The following CADPS variants were observed in gnomAD, a reference collection of about 807,000 sequenced individuals.
CADPS encodes calcium-dependent secretion activator 1.
CADPS carries 57 observed loss-of-function variants against 167.3 expected under a neutral mutation model. The ratio of observed to expected loss-of-function variants is 0.34; its 90% CI spans 0.28 to 0.42. The LOEUF is 0.42. Ranked by LOEUF, CADPS falls within the 20% of genes least tolerant of loss-of-function variation. The pLI is 1.00. For synonymous variants in CADPS, 676 were observed against 635.3 expected (o/e 1.06, Z -0.96); for missense variants, 1,414 against 1,738.1 (o/e 0.81, Z 3.32).
Position 62,399,322 on chromosome 3 carries a change from A to C in CADPS, c.*84T>G. The C allele has an allele frequency of 7.4e-7, 1 of 1,343,920 alleles. No homozygotes were observed. The highest frequency in any genetic ancestry group is 1.0e-6 in the Non-Finnish European group (1 of 962,468). The allele number at this position is 1,343,920 out of a possible 1,614,324, so 83.2% of individuals were successfully genotyped here. ...TCTCATGGGCATGGTAGTTGACAGA[A>C]AATTCCTAATGGGTTTAACTAACAG... On this transcript the variant is annotated 3_prime_UTR_variant, in exon 30 of 30. Coordinates refer to ENST00000383710, the MANE Select transcript of CADPS (RefSeq NM_003716.4). The surrounding 1 kb of genome is among the most constrained non-coding windows in gnomAD (Gnocchi z 5.6).
chr3:62,725,509 C>G (rs1444333774), intron 3 of CADPS, among the ~76,000 whole-genome samples: 3 of 152,180 alleles, frequency 2.0e-5, no homozygotes, highest in Admixed American at 6.5e-5. Context: ...CGAATTAGCT[C>G]TGTGATTGTG....
At chr3:62,727,597 G>A (rs764851687) in intron 3 of CADPS, among the ~76,000 whole-genome samples, 10 of 151,868 alleles carry the variant, frequency 6.6e-5, no homozygotes, top group Non-Finnish European at 1.0e-4. Context: ...TTTTAAGGAG[G>A]CACCTGCGGA....
intron 28 of CADPS, among the ~76,000 whole-genome samples, chr3:62,428,202 G>T (rs981613795): frequency 1.3e-5 from 2 of 150,970 alleles, no homozygotes; most frequent in Non-Finnish European, 2.9e-5. Flanking sequence ...CTTCTGAACT[G>T]GGAATTTGGA....
intron 13 of CADPS, among the ~76,000 whole-genome samples, chr3:62,525,021 C>G (rs765757866): frequency 6.6e-6 from 1 of 152,082 alleles, no homozygotes; most frequent in African/African-American, 2.4e-5. Context: ...TTTTTGATAT[C>G]ACATCCACTC....
At chr3:62,809,852 G>A (rs1347172088) in intron 1 of CADPS, among the ~76,000 whole-genome samples, 1 of 152,074 alleles carries the variant, frequency 6.6e-6, no homozygotes, top group Non-Finnish European at 1.5e-5. Context: ...GACACTGTAG[G>A]TGTTTATTTA....
intron 6 of CADPS, among the ~76,000 whole-genome samples, chr3:62,610,773 C>T (rs11717017): frequency 0.12 from 17,815 of 152,022 alleles, 1,395 homozygotes; most frequent in Non-Finnish European, 0.17. Flanking sequence ...CTAGCCAGGC[C>T]TCCTCAGTCC....
intron 1 of CADPS, among the ~76,000 whole-genome samples, chr3:62,815,399 T>C (rs1431917204): frequency 5.9e-5 from 9 of 151,548 alleles, no homozygotes; most frequent in Non-Finnish European, 1.3e-4. Context: ...TAATCTATGG[T>C]CCGAGAAATC....
intron 11 of CADPS, among the ~76,000 whole-genome samples, chr3:62,542,707 C>T (rs2075887100): frequency 6.6e-6 from 1 of 152,128 alleles, no homozygotes; most frequent in Admixed American, 6.6e-5. Context: ...GCTCACATTG[C>T]ATCATGCAGA....
chr3:62,870,815 A>G (rs968001515), intron 1 of CADPS, among the ~76,000 whole-genome samples: 1 of 152,196 alleles, frequency 6.6e-6, no homozygotes, highest in Non-Finnish European at 1.5e-5. Flanking sequence ...CACTATAAGT[A>G]GCTAGTTCAC....
At chr3:62,578,938 G>A (rs2082859209) in intron 8 of CADPS, among the ~76,000 whole-genome samples, 1 of 152,162 alleles carries the variant, frequency 6.6e-6, no homozygotes, top group Non-Finnish European at 1.5e-5. Context: ...GTGTCTTGGA[G>A]ACCTATGAGG....
In CADPS at chr3:62,845,297, T is replaced by C. The variant is rs2077234558; in HGVS notation, c.441+29292A>G. Among the ~76,000 whole-genome samples the C allele has an allele frequency of 2.6e-5, 4 of 152,138 alleles. No homozygotes were observed. The South Asian group carries it at 8.3e-4, about 32-fold the overall frequency. On this transcript the variant is annotated intron_variant, in intron 1 of 29. Transcript: ENST00000383710. ...CCCAAGGCTCACATCATCACGATTTTCCCCAGATAGAAGTGTTAAGGTGTT... is the reference window on the plus strand; with the variant it reads ...CCCAAGGCTCACATCATCACGATTTCCCCCAGATAGAAGTGTTAAGGTGTT...
At chr3:62,821,313 G>C (rs1168372128) in intron 1 of CADPS, among the ~76,000 whole-genome samples, 2 of 147,772 alleles carry the variant, frequency 1.4e-5, no homozygotes, top group South Asian at 2.1e-4. Context: ...TCTCTGTGTT[G>C]GTTTTCTAGG....
At chr3:62,529,210 A>T (rs2073070305) in intron 13 of CADPS, among the ~76,000 whole-genome samples, 1 of 152,172 alleles carries the variant, frequency 6.6e-6, no homozygotes, top group South Asian at 2.1e-4. Flanking sequence ...AATGTTACAC[A>T]ATTGCTACTT....
At position 62,419,740 on chromosome 3, in the gene CADPS, A is replaced by G. The variant is rs953303234; in HGVS notation, c.3778-16555T>C. ...GTGAACTGCATTAATTCGCAAGCAG[A>G]TTGACGTAAGCAACTGAATAAGAAA... On this transcript the variant is annotated intron_variant, in intron 28 of 29. Transcript: ENST00000383710. Among the ~76,000 whole-genome samples the G allele has an allele frequency of 2.0e-5, 3 of 152,230 alleles. No homozygotes were observed. In the East Asian group the frequency reaches 5.8e-4, roughly 29 times the overall value.
intron 9 of CADPS, among the ~76,000 whole-genome samples, chr3:62,568,184 G>A (rs1437378186): frequency 1.3e-5 from 2 of 152,184 alleles, no homozygotes; most frequent in Non-Finnish European, 2.9e-5. Context: ...ACTGGCCATG[G>A]TTCCAGGACT....
chr3:62,541,009 G>C (rs2075596077), intron 11 of CADPS, among the ~76,000 whole-genome samples: 1 of 152,240 alleles, frequency 6.6e-6, no homozygotes, highest in Non-Finnish European at 1.5e-5. Flanking sequence ...TGTGTCAAGA[G>C]AATGAAAATG....
At chr3:62,747,080 G>A (rs1244322314) in intron 3 of CADPS, among the ~76,000 whole-genome samples, 1 of 152,196 alleles carries the variant, frequency 6.6e-6, no homozygotes, top group African/African-American at 2.4e-5. Flanking sequence ...AAGTAAGAAA[G>A]TTTAGGCTGT....
chr3:62,679,798 T>G (rs1311492028), intron 3 of CADPS, among the ~76,000 whole-genome samples: 1 of 152,032 alleles, frequency 6.6e-6, no homozygotes, highest in Non-Finnish European at 1.5e-5. Flanking sequence ...GAGACTGGGT[T>G]TTTGAAAGCG....
chr3:62,471,359 T>C (rs1483343629), intron 24 of CADPS, among the ~76,000 whole-genome samples: 1 of 152,208 alleles, frequency 6.6e-6, no homozygotes, highest in African/African-American at 2.4e-5. Context: ...CTGGGGTCTA[T>C]GGTTTGGTCA....
Sources: gnomAD v4.1 joint callset for allele counts (sites outside exome capture counted in the v4.1 genomes callset) on GRCh38, gnomAD v4.1.1 for gene constraint, Gnocchi (gnomAD v3.1) non-coding constraint, MANE v1.5 for transcripts, NCBI Gene and HGNC (gene_info 2026-07-23, HGNC 2026-07-21) for gene names.